CCDC93: variants seen among roughly 807,000 people sequenced by gnomAD.
CCDC93 encodes the protein coiled-coil domain-containing protein 93.
In CCDC93, 61 loss-of-function variants were observed where a neutral mutation model predicts 108.2. The ratio of observed to expected loss-of-function variants is 0.56; its 90% CI spans 0.46 to 0.70. The LOEUF (loss-of-function observed/expected upper bound fraction) is 0.70, where lower values mean the gene tolerates loss of function less well. Ranked by LOEUF, CCDC93 falls within the 30% of genes least tolerant of loss-of-function variation. The pLI, the probability that CCDC93 is intolerant of heterozygous loss-of-function variation, is 0.00. For missense variants in CCDC93, 685 were observed against 764.2 expected (o/e 0.90, Z 1.22); for synonymous variants, 276 against 260.4 (o/e 1.06, Z -0.58).
chr2:117,957,931 A>C (rs1372647930), intron 12 of CCDC93, among the ~76,000 whole-genome samples: 1 of 150,802 alleles, frequency 6.6e-6, no homozygotes, highest in Non-Finnish European at 1.5e-5. Context: ...GTAACTTCTC[A>C]TTAGAAGTTA....
chr2:117,932,656 G>A (rs908760787), intron 22 of CCDC93, among the ~76,000 whole-genome samples: 8 of 152,148 alleles, frequency 5.3e-5, no homozygotes, highest in African/African-American at 1.9e-4. Flanking sequence ...AGTCCCCTCT[G>A]GGGTGTCCTA....
intron 19 of CCDC93, 147 bp downstream of exon 19, chr2:117,941,042 C>T: frequency 1.6e-6 from 1 of 625,104 alleles, no homozygotes; most frequent in African/African-American, 1.8e-5. Flanking sequence ...CCGGGACTGC[C>T]AAGTGGGCCT....
intron 11 of CCDC93, among the ~76,000 whole-genome samples, chr2:117,971,827 G>A (rs1679773222): frequency 6.6e-6 from 1 of 152,202 alleles, no homozygotes; most frequent in South Asian, 2.1e-4. Context: ...ATATGCAAAT[G>A]TGAAATAACT....
intron 11 of CCDC93, 118 bp downstream of exon 11, chr2:117,973,790 G>A (rs1017177268): frequency 1.2e-5 from 9 of 740,410 alleles, no homozygotes; most frequent in East Asian, 5.4e-5. Flanking sequence ...TCTGACTAAC[G>A]TGGCTGGTGA....
At chr2:117,930,985 G>T in intron 23 of CCDC93, 52 bp downstream of exon 23, 1 of 1,213,760 alleles carries the variant, frequency 8.2e-7, no homozygotes, top group Non-Finnish European at 1.2e-6. Flanking sequence ...TACTTTTGAG[G>T]TGAACATATA....
chr2:118,006,097 T>C (rs1315753571), intron 3 of CCDC93, among the ~76,000 whole-genome samples: 3 of 152,210 alleles, frequency 2.0e-5, no homozygotes, highest in Non-Finnish European at 2.9e-5. Context: ...GACCCCTTTG[T>C]TCCTTTTGGA....
At position 118,013,926 on chromosome 2, in the gene CCDC93, G is replaced by A. The variant is rs752766488; in HGVS notation, c.42+28C>T. On this transcript the variant is annotated intron_variant, in intron 1 of 23. Transcript: ENST00000376300. ...CGGCCCTCTCTTCAGGAACCCCGAC[G>A]TGTCAGGGAAGGAGGAGGCGTTCTT... 35 of 1,544,810 alleles carry A rather than the reference G, an allele frequency of 2.3e-5. No individual in the cohort carries two copies. In the East Asian group the frequency reaches 6.9e-4, roughly 31 times the overall value.
At chr2:117,947,944 T>C in intron 15 of CCDC93, 161 bp downstream of exon 15, 1 of 619,766 alleles carries the variant, frequency 1.6e-6, no homozygotes, top group Non-Finnish European at 2.9e-6. Flanking sequence ...TCCGCCTGCC[T>C]TGGCTTCCCA....
In CCDC93 at chr2:117,958,390, G is replaced by A. The variant is rs151101188; in HGVS notation, c.980C>T (p.Ala327Val). The change falls in exon 12 of 24, where the codon GCG (alanine) becomes GTG (valine). Residue 327 changes from alanine (A) to valine (V), a missense_variant. Ala to Val is a moderately conservative substitution (Grantham distance 64). Transcript: ENST00000376300. ...RKVISLNKQI[A>V]QKTKHLEELR... Reference sequence around the variant, plus strand: ...CTCTTCAAGATGTTTGGTCTTTTGCGCAATCTGTTTGTTCAAGGAAATGAC... The same window carrying A: ...CTCTTCAAGATGTTTGGTCTTTTGCACAATCTGTTTGTTCAAGGAAATGAC... 2.5e-5 allele frequency: 40 copies of A among 1,610,382 alleles called. No individual in the cohort carries two copies. The highest frequency in any genetic ancestry group is 8.3e-5 in the Admixed American group (5 of 59,990).
rs769743231 is a variant in CCDC93 at position 117,996,278 on chromosome 2, A to G, written c.448T>C (p.Tyr150His). 2.5e-6 allele frequency: 4 copies of G among 1,607,434 alleles called. No homozygotes were observed. The South Asian group carries it at 4.4e-5, about 18-fold the overall frequency. ...ACAATACTGACCTCAGGGAGACTGTAAGTCTTCTGGAACTGGGATACAGAG... is the reference window on the plus strand; with the variant it reads ...ACAATACTGACCTCAGGGAGACTGTGAGTCTTCTGGAACTGGGATACAGAG... Reference protein sequence around the residue: ...SYSVSQFQKTYSLPEDDDFIK... With the variant: ...SYSVSQFQKTHSLPEDDDFIK... The change falls in exon 5 of 24, where the codon TAC becomes CAC. Residue 150 changes from tyrosine to histidine, a missense_variant. Transcript: ENST00000376300.
In CCDC93 at chr2:117,975,205, G is replaced by C; in HGVS notation, c.733C>G (p.Leu245Val). The change falls in exon 9 of 24, where the codon CTT (leucine) becomes GTT (valine). Residue 245 changes from leucine to valine, a missense_variant. Leu to Val is a conservative substitution (Grantham distance 32). Coordinates refer to ENST00000376300, the MANE Select transcript of CCDC93 (RefSeq NM_019044.5). ...EKADAHEEDE[L>V]RAAEEQRIQS... ...CCACACACCTCTTCAGCTGCTCGAA[G>C]CTCATCTTCCTCGTGGGCATCAGCT... The C allele has an allele frequency of 6.2e-7, 1 of 1,613,802 alleles. No individual in the cohort carries two copies. Among genetic ancestry groups the C allele is most frequent in the Non-Finnish European group, 8.5e-7 (1 of 1,179,824 alleles).
intron 15 of CCDC93, 47 bp from the exon 16 acceptor site, chr2:117,946,929 T>C (rs747100316): frequency 9.4e-6 from 12 of 1,274,136 alleles, no homozygotes; most frequent in Non-Finnish European, 1.4e-5. Context: ...AAGGAGTAAT[T>C]AGACGCAATT....
intron 23 of CCDC93, among the ~76,000 whole-genome samples, chr2:117,926,222 A>G (rs1158679744): frequency 6.6e-5 from 10 of 152,224 alleles, no homozygotes; most frequent in Admixed American, 4.6e-4. Context: ...GAGAAGCAAG[A>G]GCAAACACAT....
At chr2:117,995,908 C>A (rs1680632123) in intron 5 of CCDC93, 1 of 159,082 alleles carries the variant, frequency 6.3e-6, no homozygotes, top group South Asian at 2.0e-4. Flanking sequence ...CTGAGACTAG[C>A]ATGTAGTAAA....
At chr2:118,009,067 A>G (rs1676954778) in intron 1 of CCDC93, 1 of 156,930 alleles carries the variant, frequency 6.4e-6, no homozygotes, top group South Asian at 1.9e-4. Flanking sequence ...TTTTCTAAAA[A>G]AAACTTTACA....
intron 23 of CCDC93, among the ~76,000 whole-genome samples, chr2:117,930,145 GAGGA>G (rs1182183475): frequency 6.6e-6 from 1 of 152,176 alleles, no homozygotes; most frequent in Non-Finnish European, 1.5e-5. Context: ...AGGGAAAGAT[GAGGA>G]AGGAAGAAAA....
intron 23 of CCDC93, among the ~76,000 whole-genome samples, chr2:117,928,354 T>C (rs1289796353): frequency 1.3e-5 from 2 of 152,022 alleles, no homozygotes; most frequent in Non-Finnish European, 2.9e-5. Flanking sequence ...ATTTTTGCAA[T>C]CTACTCATCT....
intron 6 of CCDC93, among the ~76,000 whole-genome samples, chr2:117,986,957 C>T (rs140267715): frequency 2.0e-5 from 3 of 150,860 alleles, no homozygotes; most frequent in Non-Finnish European, 1.5e-5. Flanking sequence ...ACTATTACAG[C>T]TTGAGCTTAA....
At chr2:117,970,727 T>C (rs1251673798) in intron 11 of CCDC93, among the ~76,000 whole-genome samples, 4 of 152,188 alleles carry the variant, frequency 2.6e-5, no homozygotes, top group Admixed American at 2.0e-4. Context: ...CTGTAACCTG[T>C]ACTTACACAG....
Sources: gnomAD v4.1 joint callset for allele counts (sites outside exome capture counted in the v4.1 genomes callset) on GRCh38, gnomAD v4.1.1 for gene constraint, MANE v1.5 for transcripts, NCBI Gene and HGNC (gene_info 2026-07-23, HGNC 2026-07-21) for gene names.